SDAD1: variants seen among roughly 807,000 people sequenced by gnomAD.
SDAD1 encodes the protein SDA1 domain containing 1, also known as protein SDA1 homolog.
Under a neutral mutation model 100.3 loss-of-function variants are expected in SDAD1, and 79 were observed. The observed-to-expected ratio is 0.79, with a 90% CI of 0.66 to 0.95. SDAD1 has a LOEUF of 0.95. Ranked by LOEUF, SDAD1 falls within the 40% of genes least tolerant of loss-of-function variation. The pLI is 0.00. For missense variants in SDAD1, 790 were observed against 810.9 expected, an observed-to-expected ratio of 0.97 and a Z score of 0.31; for synonymous variants, 267 against 271.4, an observed-to-expected ratio of 0.98 and a Z score of 0.16.
rs747730429 is a variant in SDAD1 at position 75,957,846 on chromosome 4, C to A, written c.1578+1G>T. 6.2e-7 allele frequency: 1 copy of A among 1,614,004 alleles called. No individual in the cohort carries two copies. Among genetic ancestry groups the A allele is most frequent in the Non-Finnish European group, 8.5e-7 (1 of 1,179,884 alleles). On this transcript the variant is annotated splice_donor_variant, in intron 18 of 21. Coordinates refer to ENST00000356260, the MANE Select transcript of SDAD1 (RefSeq NM_018115.4). LOFTEE classifies it high-confidence loss of function. ...TTATAAGATGAAATTTTCAGACTTA[C>A]GATTTCTTGCTGTTCTTCATCGGAA...
intron 21 of SDAD1, among the ~76,000 whole-genome samples, chr4:75,954,915 C>G (rs1728808037): frequency 6.6e-6 from 1 of 152,144 alleles, no homozygotes; most frequent in Non-Finnish European, 1.5e-5. Flanking sequence ...TATAAACGCC[C>G]TTATCTTGCC....
At chr4:75,951,354 G>A (rs1280830542) in intron 21 of SDAD1, among the ~76,000 whole-genome samples, 1 of 152,138 alleles carries the variant, frequency 6.6e-6, no homozygotes, top group Non-Finnish European at 1.5e-5. Context: ...CTAAGAAAAT[G>A]TTCTAAGTAT....
At position 75,950,793 on chromosome 4, in the gene SDAD1, G is replaced by A. The variant is rs768523314; in HGVS notation, c.2021C>T (p.Ala674Val). 2 of 1,581,344 alleles carry A rather than the reference G, an allele frequency of 1.3e-6. No homozygotes were observed. The highest frequency in any genetic ancestry group is 1.7e-5 in the Admixed American group (1 of 59,334). The change falls in exon 22 of 22, where the codon GCA becomes GTA. Residue 674 changes from alanine to valine, a missense_variant. Ala to Val is a moderately conservative substitution (Grantham distance 64). Coordinates refer to ENST00000356260, the MANE Select transcript of SDAD1 (RefSeq NM_018115.4). ...NKRSFREKQL[A>V]LRDALLKKRK... ...CTTTTTCAAAAGTGCATCTCGTAGT[G>A]CCAACTGTAAGATAAAAAAGTATTG...
chr4:75,954,563 C>G (rs1444925795), intron 21 of SDAD1, among the ~76,000 whole-genome samples: 1 of 152,130 alleles, frequency 6.6e-6, no homozygotes, highest in East Asian at 1.9e-4. Context: ...GTCCCAGCTA[C>G]TTGGAGGGCT....
chr4:75,990,910 C>T lies in SDAD1; in HGVS notation c.-69G>A. On this transcript the variant is annotated 5_prime_UTR_variant, in exon 1 of 22. Coordinates refer to ENST00000356260, the MANE Select transcript of SDAD1 (RefSeq NM_018115.4). ...TCAGACGGCCGGCACCCCGCAATCC[C>T]TGCCAGCTGCAGCTTGGACTCGTGT... 1 of 1,587,826 alleles carries T rather than the reference C, an allele frequency of 6.3e-7. No homozygotes were observed. The highest frequency in any genetic ancestry group is 2.2e-5 in the East Asian group (1 of 44,658).
intron 14 of SDAD1, among the ~76,000 whole-genome samples, chr4:75,962,449 T>G (rs1457515020): frequency 6.6e-6 from 1 of 152,218 alleles, no homozygotes; most frequent in Non-Finnish European, 1.5e-5. Flanking sequence ...GTATTTCTAG[T>G]TCTAGATCCT....
intron 1 of SDAD1, 113 bp downstream of exon 1, chr4:75,990,639 T>G: frequency 1.3e-6 from 2 of 1,599,614 alleles, no homozygotes; most frequent in Non-Finnish European, 1.7e-6. Context: ...CCCCTGAACC[T>G]AACAGAAGAA....
chr4:75,979,819 C>A (rs1730393052), intron 3 of SDAD1, among the ~76,000 whole-genome samples: 1 of 152,046 alleles, frequency 6.6e-6, no homozygotes. Context: ...AATATACATA[C>A]ACATTTTTTT....
At chr4:75,973,643 A>G (rs1729991495) in intron 7 of SDAD1, among the ~76,000 whole-genome samples, 2 of 152,158 alleles carry the variant, frequency 1.3e-5, no homozygotes. Context: ...GAATTTCTAC[A>G]TCCCCTATAA....
chr4:75,984,695 C>A (rs752913063), intron 1 of SDAD1, among the ~76,000 whole-genome samples: 4 of 151,926 alleles, frequency 2.6e-5, no homozygotes, highest in Non-Finnish European at 5.9e-5. Flanking sequence ...CTCAATTCCA[C>A]AGTTCCATGC....
intron 1 of SDAD1, among the ~76,000 whole-genome samples, chr4:75,988,326 C>T (rs868347468): frequency 1.6e-4 from 25 of 152,292 alleles, no homozygotes; most frequent in African/African-American, 4.1e-4. Flanking sequence ...GCCACACTGG[C>T]CTTTATGTTC....
chr4:75,966,862 T>C (rs1396147595), intron 12 of SDAD1, among the ~76,000 whole-genome samples: 1 of 152,146 alleles, frequency 6.6e-6, no homozygotes, highest in Non-Finnish European at 1.5e-5. Flanking sequence ...CTTCGCCTCC[T>C]GGGTTCAAGC....
intron 3 of SDAD1, among the ~76,000 whole-genome samples, chr4:75,978,982 G>GGAAAAAAAAAA (rs565404495): frequency 5.3e-5 from 2 of 38,036 alleles, no homozygotes; most frequent in East Asian, 1.7e-3. Context: ...CCCTGTCTCA[G>GGAAAAAAAAAA]AAAAAAAAAA....
chr4:75,958,978 G>T (rs1255480166), intron 17 of SDAD1, among the ~76,000 whole-genome samples: 2 of 150,870 alleles, frequency 1.3e-5, no homozygotes, highest in African/African-American at 2.4e-5. Context: ...GGCGCCTGTA[G>T]TCCCAGCTAT....
At chr4:75,977,112 C>T (rs1159573314) in intron 4 of SDAD1, among the ~76,000 whole-genome samples, 2 of 152,142 alleles carry the variant, frequency 1.3e-5, no homozygotes, top group Non-Finnish European at 2.9e-5. Context: ...TCTTAAATTT[C>T]TTTCATAAAT....
chr4:75,976,032 A>G lies in SDAD1; in HGVS notation c.406-37T>C, dbSNP rs796757361. On this transcript the variant is annotated intron_variant, in intron 4 of 21. Coordinates refer to ENST00000356260, the MANE Select transcript of SDAD1 (RefSeq NM_018115.4). ...AAACAAAAATATATACATTAAACCT[A>G]ACCAACATTTTTAACCTTGCTAAAT... 4.5e-6 allele frequency: 6 copies of G among 1,325,114 alleles called. No homozygotes were observed. In the African/African-American group the frequency reaches 5.8e-5, roughly 13 times the overall value. 82.1% of individuals were successfully genotyped at this position (1,325,114 alleles called of 1,614,324 possible).
At chr4:75,988,510 C>A (rs1461761265) in intron 1 of SDAD1, among the ~76,000 whole-genome samples, 2 of 152,148 alleles carry the variant, frequency 1.3e-5, no homozygotes, top group Non-Finnish European at 2.9e-5. Flanking sequence ...CTGCAATACC[C>A]ATCTCACCCC....
At chr4:75,982,746 T>A (rs1245013704) in intron 1 of SDAD1, among the ~76,000 whole-genome samples, 1 of 152,038 alleles carries the variant, frequency 6.6e-6, no homozygotes, top group African/African-American at 2.4e-5. Flanking sequence ...ATAAATTATA[T>A]CTCAAGTACA....
chr4:75,953,980 G>A (rs1027331473), intron 21 of SDAD1, among the ~76,000 whole-genome samples: 2 of 152,148 alleles, frequency 1.3e-5, no homozygotes, highest in South Asian at 2.1e-4. Flanking sequence ...GCTTTCAAAA[G>A]GGCACATACA....
Sources: allele counts gnomAD v4.1 joint callset (sites outside exome capture counted in the v4.1 genomes callset), GRCh38; gene constraint gnomAD v4.1.1; transcripts MANE v1.5; gene names NCBI Gene and HGNC (gene_info 2026-07-23, HGNC 2026-07-21).